Variants in USH2A observed in about 807,000 individuals in gnomAD.
USH2A encodes usherin.
In USH2A, 443 loss-of-function variants were observed where a neutral mutation model predicts 538.9. That is an observed-to-expected ratio of 0.82 (90% CI 0.76 to 0.89). The LOEUF is 0.89. Among genes scored for constraint, USH2A ranks in the 40% least tolerant of loss-of-function variants. USH2A has a pLI of 0.00. For synonymous variants in USH2A, 2,413 were observed against 2,273.5 expected, an observed-to-expected ratio of 1.06 and a Z score of -1.75; for missense variants, 6,633 against 6,324.8, an observed-to-expected ratio of 1.05 and a Z score of -1.65.
At chr1:215,693,092 A>ATATATGTGTGTG (rs371000210) in intron 61 of USH2A, among the ~76,000 whole-genome samples, 53 of 131,680 alleles carry the variant, frequency 4.0e-4, no homozygotes, top group East Asian at 2.5e-3. Context: ...ATATATATAT[A>ATATATGTGTGTG]TGTGTGTGTG....
chr1:215,998,098 T>C (rs554999079), intron 34 of USH2A, among the ~76,000 whole-genome samples: 96 of 152,212 alleles, frequency 6.3e-4, no homozygotes, highest in Admixed American at 1.4e-3. Flanking sequence ...GAGCAGAATA[T>C]TTTCTATGGC....
chr1:216,370,603 G>T (rs905045360), intron 3 of USH2A, among the ~76,000 whole-genome samples: 2 of 145,378 alleles, frequency 1.4e-5, no homozygotes, highest in Non-Finnish European at 3.0e-5. Flanking sequence ...TGCTAAACCC[G>T]GGAGGCGGAG....
rs146381281 is a variant in USH2A, at chr1:216,258,428, C to T, written c.1972-7330G>A. Among the ~76,000 whole-genome samples, 609 of 152,188 alleles carry T rather than the reference C, an allele frequency of 4.0e-3. 6 individuals are homozygous for T. Among genetic ancestry groups the T allele is most frequent in the African/African-American group, 0.013 (560 of 41,560 alleles). On this transcript the variant is annotated intron_variant, in intron 11 of 71. Transcript: ENST00000307340. ...TAATAATTGAAAGTTGTGCTTTCTGCAGCCTCATACATGCAGTGAACCGTA... is the reference window on the plus strand; with the variant it reads ...TAATAATTGAAAGTTGTGCTTTCTGTAGCCTCATACATGCAGTGAACCGTA...
chr1:215,923,588 C>T lies in USH2A; in HGVS notation c.7300+11028G>A, dbSNP rs146249780. ...GAATACAGTGTCCTCATTGGTCAGA[C>T]CTGGTGATGCAGTCAACTTCACACA... On this transcript the variant is annotated intron_variant, in intron 38 of 71. Coordinates refer to ENST00000307340, the MANE Select transcript of USH2A (RefSeq NM_206933.4). Among the ~76,000 whole-genome samples the T allele has an allele frequency of 3.8e-3, 580 of 152,148 alleles. 3 individuals are homozygous for T. The highest frequency in any genetic ancestry group is 6.4e-3 in the Non-Finnish European group (433 of 68,008).
chr1:215,941,594 T>A (rs903692482), intron 37 of USH2A, among the ~76,000 whole-genome samples: 10 of 152,254 alleles, frequency 6.6e-5, no homozygotes, highest in Middle Eastern at 3.4e-3. Flanking sequence ...TGAATACAAC[T>A]ATTTTATCAC....
At chr1:216,103,098 A>G (rs1049983892) in intron 21 of USH2A, among the ~76,000 whole-genome samples, 8 of 152,254 alleles carry the variant, frequency 5.3e-5, no homozygotes, top group Non-Finnish European at 8.8e-5. Context: ...GATCCCATTT[A>G]TATCAAGTTC....
chr1:215,628,535 G>A (rs925790656), intron 71 of USH2A, among the ~76,000 whole-genome samples: 10 of 152,190 alleles, frequency 6.6e-5, no homozygotes, highest in East Asian at 1.9e-4. Context: ...CGCCCACCTC[G>A]GCCTCCCCAA....
chr1:215,901,311 A>G, intron 38 of USH2A: 1 of 301,592 alleles, frequency 3.3e-6, no homozygotes, highest in Non-Finnish European at 6.5e-6. Context: ...CCCCGATATC[A>G]TCCATTGCTG....
intron 21 of USH2A, among the ~76,000 whole-genome samples, chr1:216,122,151 C>T (rs2033150157): frequency 6.6e-6 from 1 of 152,144 alleles, no homozygotes; most frequent in Non-Finnish European, 1.5e-5. Context: ...TAGAATAGCA[C>T]ATCAGATCTG....
chr1:216,185,898 A>T (rs1053788452), intron 20 of USH2A, among the ~76,000 whole-genome samples: 1 of 151,910 alleles, frequency 6.6e-6, no homozygotes. Context: ...TTTTCCTGGT[A>T]TTCAAATAAA....
chr1:216,012,455 T>A lies in USH2A; in HGVS notation c.6326-11893A>T, dbSNP rs537240156. 3.9e-5 allele frequency among the ~76,000 whole-genome samples: 6 copies of A among 152,196 alleles called. No homozygotes were observed. The East Asian group carries it at 1.2e-3, about 30-fold the overall frequency. On this transcript the variant is annotated intron_variant, in intron 32 of 71. Transcript: ENST00000307340. Reference sequence around the variant, plus strand: ...AGTCTAGGTAGACACTTTCACTGGATAAGTACAGGCCTTTCCTACAGGGTC... The same window carrying A: ...AGTCTAGGTAGACACTTTCACTGGAAAAGTACAGGCCTTTCCTACAGGGTC...
chr1:216,128,318 C>T (rs1296317862), intron 21 of USH2A, among the ~76,000 whole-genome samples: 1 of 151,988 alleles, frequency 6.6e-6, no homozygotes, highest in Admixed American at 6.6e-5. Context: ...CGCAATGAGG[C>T]TTAGAGTGTT....
intron 9 of USH2A, among the ~76,000 whole-genome samples, chr1:216,293,169 C>A (rs145290213): frequency 6.6e-6 from 1 of 151,924 alleles, no homozygotes; most frequent in East Asian, 1.9e-4. Flanking sequence ...AGACTACAGG[C>A]GCCCGCCACC....
chr1:216,320,136 G>A (rs2037578494), intron 9 of USH2A, among the ~76,000 whole-genome samples: 1 of 152,102 alleles, frequency 6.6e-6, no homozygotes, highest in Admixed American at 6.6e-5. Flanking sequence ...TTGGAGGTGA[G>A]CCTGGTGGGA....
At chr1:215,760,228 A>C (rs755977447) in intron 56 of USH2A, among the ~76,000 whole-genome samples, 1 of 152,116 alleles carries the variant, frequency 6.6e-6, no homozygotes, top group South Asian at 2.1e-4. Flanking sequence ...AAATGAGTGC[A>C]CTTTCCCTTC....
intron 62 of USH2A, among the ~76,000 whole-genome samples, chr1:215,678,675 C>T (rs1432584438): frequency 1.3e-5 from 2 of 151,908 alleles, no homozygotes; most frequent in African/African-American, 4.8e-5. Context: ...TTTTCTGTAC[C>T]CCCACCATTC....
chr1:216,391,279 GA>G (rs1310053132), intron 3 of USH2A, among the ~76,000 whole-genome samples: 2 of 152,148 alleles, frequency 1.3e-5, no homozygotes, highest in Non-Finnish European at 2.9e-5. Context: ...TCCAGTGACA[GA>G]AGGCTTTAAA....
intron 4 of USH2A, among the ~76,000 whole-genome samples, chr1:216,359,304 G>A (rs1435187682): frequency 6.6e-6 from 1 of 151,986 alleles, no homozygotes; most frequent in Non-Finnish European, 1.5e-5. Context: ...TGTTCAAAGA[G>A]TTTAAAAATA....
At chr1:216,172,900 A>G (rs1166155647) in intron 21 of USH2A, among the ~76,000 whole-genome samples, 1 of 152,162 alleles carries the variant, frequency 6.6e-6, no homozygotes, top group African/African-American at 2.4e-5. Flanking sequence ...AGAACAGTCT[A>G]CAAAAGTTCC....
Sources: allele counts gnomAD v4.1 joint callset (sites outside exome capture counted in the v4.1 genomes callset), GRCh38; gene constraint gnomAD v4.1.1; transcripts MANE v1.5; gene names NCBI Gene and HGNC (gene_info 2026-07-23, HGNC 2026-07-21).